The following AFAP1L2 variants were observed in gnomAD, a reference collection of about 807,000 sequenced individuals.
AFAP1L2 encodes the protein actin filament associated protein 1 like 2.
A neutral mutation model predicts 99.3 loss-of-function variants in AFAP1L2; 46 were observed. That is an observed-to-expected ratio of 0.46 (90% confidence interval 0.37 to 0.59). AFAP1L2 has a LOEUF of 0.59. AFAP1L2 is among the 20% of genes least tolerant of loss of function. The pLI is 0.00. For synonymous variants in AFAP1L2, 397 were observed against 419.1 expected, an observed-to-expected ratio of 0.95 and a Z score of 0.64; for missense variants, 959 against 1,034.9, an observed-to-expected ratio of 0.93 and a Z score of 1.01.
At chr10:114,289,238 TC>T in the AFAP1L2 span, 1 of 1,614,006 alleles carries the variant, frequency 6.2e-7, no homozygotes, top group Non-Finnish European at 8.5e-7. Flanking sequence ...GTGATGACCG[TC>T]CAGAGGGGTG....
intron 1 of AFAP1L2, among the ~76,000 whole-genome samples, chr10:114,350,732 C>T (rs923212070): frequency 6.6e-6 from 1 of 152,100 alleles, no homozygotes; most frequent in African/African-American, 2.4e-5. Context: ...CTCAAGGGTA[C>T]AGGTGGGAAG....
chr10:114,345,854 G>A (rs2049474026), intron 1 of AFAP1L2, among the ~76,000 whole-genome samples: 1 of 152,226 alleles, frequency 6.6e-6, no homozygotes, highest in South Asian at 2.1e-4. Context: ...ACCTGCCGAT[G>A]TGGGCACTGG....
At chr10:114,385,136 G>A (rs1438041763) in intron 1 of AFAP1L2, among the ~76,000 whole-genome samples, 1 of 152,130 alleles carries the variant, frequency 6.6e-6, no homozygotes, top group African/African-American at 2.4e-5. Context: ...GTGAAGGGAT[G>A]GAAGCAGGCC....
At chr10:114,305,155 G>C in intron 10 of AFAP1L2, 1 of 512,958 alleles carries the variant, frequency 1.9e-6, no homozygotes, top group South Asian at 2.0e-5. Context: ...GGACTGGGCT[G>C]CAGGAGGGGA....
chr10:114,391,827 G>A (rs777736844), intron 1 of AFAP1L2, among the ~76,000 whole-genome samples: 4 of 152,172 alleles, frequency 2.6e-5, no homozygotes, highest in African/African-American at 9.7e-5. Flanking sequence ...GCTACAAGGA[G>A]CCCGGTATGA....
At chr10:114,332,705 G>GAGAGCAGAAC (rs2047414419) in intron 3 of AFAP1L2, among the ~76,000 whole-genome samples, 2 of 152,248 alleles carry the variant, frequency 1.3e-5, no homozygotes, top group South Asian at 4.1e-4. Context: ...GGGAAAAGCA[G>GAGAGCAGAAC]AGAGCAGAAC....
chr10:114,287,701 AT>A, the AFAP1L2 span, among the ~76,000 whole-genome samples: 19 of 152,338 alleles, frequency 1.2e-4, no homozygotes, highest in Admixed American at 5.9e-4. Context: ...TTTAAAAAAA[AT>A]AATAGTTGTA....
chr10:114,358,480 A>G (rs2051720384), intron 1 of AFAP1L2, among the ~76,000 whole-genome samples: 1 of 152,204 alleles, frequency 6.6e-6, no homozygotes, highest in Non-Finnish European at 1.5e-5. Context: ...TCACACAGCC[A>G]GAAAATCCAG....
At chr10:114,283,442 T>G in the AFAP1L2 span, among the ~76,000 whole-genome samples, 5 of 152,174 alleles carry the variant, frequency 3.3e-5, no homozygotes, top group South Asian at 1.0e-3. Flanking sequence ...GGTGATCCCT[T>G]CAGTATGTTC....
intron 6 of AFAP1L2, among the ~76,000 whole-genome samples, chr10:114,315,314 G>T (rs574245757): frequency 1.3e-5 from 2 of 152,104 alleles, no homozygotes; most frequent in African/African-American, 4.8e-5. Flanking sequence ...TGGGGGAGGC[G>T]GTGGTAGTCA....
intron 4 of AFAP1L2, chr10:114,325,768 TCCTGG>T: frequency 9.6e-7 from 1 of 1,039,930 alleles, no homozygotes; most frequent in Non-Finnish European, 1.2e-6. Context: ...TCTCAGCCTT[TCCTGG>T]TCCCCCTGGT....
intron 9 of AFAP1L2, 118 bp downstream of exon 9, chr10:114,308,315 A>G (rs1436750054): frequency 1.2e-6 from 1 of 822,798 alleles, no homozygotes; most frequent in African/African-American, 1.7e-5. Flanking sequence ...AGTATTTCCG[A>G]GTGGTTTATT....
chr10:114,329,605 A>G (rs2046948743), intron 4 of AFAP1L2, among the ~76,000 whole-genome samples: 1 of 152,218 alleles, frequency 6.6e-6, no homozygotes, highest in Admixed American at 6.5e-5. Flanking sequence ...CCCACCACCC[A>G]GCAAGCAATG....
intron 5 of AFAP1L2, among the ~76,000 whole-genome samples, chr10:114,320,416 A>C (rs1590127919): frequency 6.6e-6 from 1 of 152,200 alleles, no homozygotes; most frequent in East Asian, 1.9e-4. Context: ...TCCAGTCACA[A>C]CCTGCATGTC....
intron 11 of AFAP1L2, among the ~76,000 whole-genome samples, chr10:114,303,310 GT>G (rs934452307): frequency 6.6e-6 from 1 of 151,704 alleles, no homozygotes; most frequent in East Asian, 1.9e-4. Flanking sequence ...CCTTTTCCCA[GT>G]TTTTTTTTAT....
chr10:114,305,960 G>C (rs2042270422), intron 10 of AFAP1L2, among the ~76,000 whole-genome samples: 1 of 96,548 alleles, frequency 1.0e-5, no homozygotes, highest in Admixed American at 1.0e-4. Context: ...GCAGATGCAG[G>C]GGGGGTGCAG....
At chr10:114,369,543 C>T (rs978046328) in intron 1 of AFAP1L2, among the ~76,000 whole-genome samples, 8 of 147,032 alleles carry the variant, frequency 5.4e-5, no homozygotes, top group Admixed American at 2.1e-4. Flanking sequence ...TGCAGTGAGC[C>T]GACATCGTGC....
chr10:114,330,635 T>C (rs546680117), intron 4 of AFAP1L2, among the ~76,000 whole-genome samples: 3 of 152,114 alleles, frequency 2.0e-5, no homozygotes, highest in South Asian at 2.1e-4. Context: ...AACCAGGAAA[T>C]AGAGGATTAG....
At chr10:114,286,193 G>T in the AFAP1L2 span, 1 of 1,613,926 alleles carries the variant, frequency 6.2e-7, no homozygotes, top group African/African-American at 1.3e-5. Context: ...CTTCCGTGGT[G>T]GCCCCACCCT....
Sources: gnomAD v4.1 joint callset for allele counts (sites outside exome capture counted in the v4.1 genomes callset) on GRCh38, gnomAD v4.1.1 for gene constraint, MANE v1.5 for transcripts, NCBI Gene and HGNC (gene_info 2026-07-23, HGNC 2026-07-21) for gene names.